GPR158: variants seen among roughly 807,000 people sequenced by gnomAD.
GPR158 encodes G protein-coupled receptor 158.
GPR158 carries 30 observed loss-of-function variants against 78.2 expected under a neutral mutation model. The observed-to-expected ratio is 0.38, with a 90% confidence interval of 0.29 to 0.52. The LOEUF (loss-of-function observed/expected upper bound fraction) is 0.52. Among genes scored for constraint, GPR158 ranks in the 20% least tolerant of loss-of-function variants. The pLI is 0.83. For synonymous variants in GPR158, 581 were observed against 591.1 expected (o/e 0.98, Z 0.25); for missense variants, 1,463 against 1,523.5 (o/e 0.96, Z 0.66).
At chr10:25,262,783 A>G (rs1209969565) in intron 2 of GPR158, among the ~76,000 whole-genome samples, 1 of 152,218 alleles carries the variant, frequency 6.6e-6, no homozygotes, top group Non-Finnish European at 1.5e-5. Context: ...ACATTCTACT[A>G]TAGATGTTGG....
At chr10:25,181,015 C>T (rs1588721592) in intron 1 of GPR158, among the ~76,000 whole-genome samples, 1 of 152,174 alleles carries the variant, frequency 6.6e-6, no homozygotes, top group African/African-American at 2.4e-5. Context: ...TCACACAAGA[C>T]ACCCACACAC....
At chr10:25,538,951 G>A (rs1040562579) in intron 5 of GPR158, among the ~76,000 whole-genome samples, 1 of 152,150 alleles carries the variant, frequency 6.6e-6, no homozygotes, top group African/African-American at 2.4e-5. Flanking sequence ...ATGTGTATTA[G>A]AATGGGCTGT....
chr10:25,400,972 G>A (rs959680288), intron 3 of GPR158, among the ~76,000 whole-genome samples: 3 of 152,158 alleles, frequency 2.0e-5, no homozygotes, highest in Non-Finnish European at 4.4e-5. Flanking sequence ...GGAAGAAAAA[G>A]AAGGGAAGCT....
chr10:25,300,335 C>T (rs1200247906), intron 2 of GPR158, among the ~76,000 whole-genome samples: 1 of 152,170 alleles, frequency 6.6e-6, no homozygotes, highest in African/African-American at 2.4e-5. Flanking sequence ...AGCATTCTTC[C>T]ATAGTCATCT....
chr10:25,299,092 A>G (rs1272382158), intron 2 of GPR158, among the ~76,000 whole-genome samples: 1 of 152,202 alleles, frequency 6.6e-6, no homozygotes, highest in Non-Finnish European at 1.5e-5. Flanking sequence ...TGCACTTAGA[A>G]TAGTTTGAAT....
chr10:25,432,747 A>G (rs1441921608), intron 4 of GPR158, among the ~76,000 whole-genome samples: 2 of 151,056 alleles, frequency 1.3e-5, no homozygotes, highest in Admixed American at 6.6e-5. Context: ...CTTCTCCCTC[A>G]CTCTCTGCTT....
At chr10:25,576,310 A>T (rs1340640335) in intron 7 of GPR158, among the ~76,000 whole-genome samples, 1 of 152,074 alleles carries the variant, frequency 6.6e-6, no homozygotes. Flanking sequence ...TCGGTTTTTC[A>T]TTCCTGAATT....
At chr10:25,369,456 A>G (rs1473502714) in intron 2 of GPR158, among the ~76,000 whole-genome samples, 2 of 147,436 alleles carry the variant, frequency 1.4e-5, no homozygotes, top group African/African-American at 2.5e-5. Flanking sequence ...CTCTGTTTAT[A>G]TGCTGGATTA....
chr10:25,225,893 A>G (rs1026354976), intron 2 of GPR158, among the ~76,000 whole-genome samples: 3 of 152,210 alleles, frequency 2.0e-5, no homozygotes, highest in African/African-American at 7.2e-5. Context: ...CATTTGGTAT[A>G]TGAGAAGAGG....
At chr10:25,381,429 TTTA>T (rs1203678636) in intron 2 of GPR158, among the ~76,000 whole-genome samples, 1 of 152,134 alleles carries the variant, frequency 6.6e-6, no homozygotes, top group Admixed American at 6.6e-5. Flanking sequence ...ACAGTTTAAT[TTTA>T]TTATTATGGT....
intron 2 of GPR158, among the ~76,000 whole-genome samples, chr10:25,345,833 A>G (rs1409856850): frequency 1.3e-5 from 2 of 151,956 alleles, no homozygotes; most frequent in Non-Finnish European, 2.9e-5. Flanking sequence ...GAAAGCCCCC[A>G]GACGAGGTCT....
intron 7 of GPR158, among the ~76,000 whole-genome samples, chr10:25,581,081 C>T (rs532356912): frequency 1.9e-3 from 294 of 151,054 alleles, no homozygotes; most frequent in African/African-American, 2.7e-3. Context: ...CCCGCCACCG[C>T]GCCCGGCTAA....
intron 3 of GPR158, among the ~76,000 whole-genome samples, chr10:25,404,650 G>C (rs1350202420): frequency 6.6e-6 from 1 of 152,006 alleles, no homozygotes; most frequent in Non-Finnish European, 1.5e-5. Context: ...TTATGGCCCA[G>C]TATTTTGAGT....
intron 2 of GPR158, among the ~76,000 whole-genome samples, chr10:25,282,701 G>T (rs1206651198): frequency 6.6e-6 from 1 of 151,958 alleles, no homozygotes; most frequent in African/African-American, 2.4e-5. Flanking sequence ...GTTTTAATTT[G>T]TATTTCCCTT....
chr10:25,327,148 TAAGTG>T (rs1388143022), intron 2 of GPR158, among the ~76,000 whole-genome samples: 1 of 151,918 alleles, frequency 6.6e-6, no homozygotes, highest in Non-Finnish European at 1.5e-5. Context: ...CTAAGAAAAA[TAAGTG>T]AAAGAAAGCA....
At chr10:25,400,010 T>A (rs1262276176) in intron 3 of GPR158, among the ~76,000 whole-genome samples, 1 of 152,042 alleles carries the variant, frequency 6.6e-6, no homozygotes, top group African/African-American at 2.4e-5. Context: ...ATATAATAAG[T>A]GGTCAATACA....
chr10:25,329,065 A>G (rs1204168847), intron 2 of GPR158, among the ~76,000 whole-genome samples: 1 of 151,800 alleles, frequency 6.6e-6, no homozygotes, highest in African/African-American at 2.4e-5. Context: ...TTCCAGTATC[A>G]TTCTTCCTGG....
intron 2 of GPR158, among the ~76,000 whole-genome samples, chr10:25,269,652 C>T (rs893804198): frequency 3.3e-5 from 5 of 152,176 alleles, no homozygotes; most frequent in African/African-American, 1.2e-4. Context: ...AGACCAGACA[C>T]TCACGTAAAC....
intron 2 of GPR158, among the ~76,000 whole-genome samples, chr10:25,371,081 T>G (rs1464590085): frequency 1.4e-5 from 2 of 148,072 alleles, no homozygotes; most frequent in East Asian, 3.9e-4. Context: ...TGAGATGGGT[T>G]TCCTGAATAT....
Sources: gnomAD v4.1 joint callset for allele counts (sites outside exome capture counted in the v4.1 genomes callset) on GRCh38, gnomAD v4.1.1 for gene constraint, MANE v1.5 for transcripts, NCBI Gene and HGNC (gene_info 2026-07-23, HGNC 2026-07-21) for gene names.